LRP1B: variants seen among roughly 807,000 people sequenced by gnomAD.
LRP1B encodes low-density lipoprotein receptor-related protein 1B.
LRP1B carries 217 observed loss-of-function variants against 556.6 expected under a neutral mutation model. The ratio of observed to expected loss-of-function variants is 0.39; its 90% CI spans 0.35 to 0.44. The LOEUF (loss-of-function observed/expected upper bound fraction) is 0.44, where lower values mean the gene tolerates loss of function less well. Ranked by LOEUF, LRP1B falls within the 20% of genes least tolerant of loss-of-function variation. LRP1B has a pLI of 1.00. For synonymous variants in LRP1B, 2,047 were observed against 1,865.8 expected, an observed-to-expected ratio of 1.10 and a Z score of -2.50; for missense variants, 5,053 against 5,620.8, an observed-to-expected ratio of 0.90 and a Z score of 3.23.
chr2:141,864,821 G>A (rs1357842393), intron 1 of LRP1B, among the ~76,000 whole-genome samples: 3 of 152,194 alleles, frequency 2.0e-5, no homozygotes, highest in Non-Finnish European at 2.9e-5. Context: ...GGCGGAGGCT[G>A]CAGTGAGCCG....
intron 1 of LRP1B, among the ~76,000 whole-genome samples, chr2:142,056,790 T>C (rs963408109): frequency 2.0e-5 from 3 of 152,140 alleles, no homozygotes; most frequent in African/African-American, 7.2e-5. Context: ...GAGAGAAATG[T>C]AGATCTTTCT....
rs142932249 is a variant in LRP1B, at chr2:140,350,376, CAGT to C, written c.11892+418_11892+420del. Among the ~76,000 whole-genome samples the C allele has an allele frequency of 9.4e-4, 143 of 152,074 alleles. 3 individuals carry two copies. In the East Asian group the frequency reaches 0.027, roughly 29 times the overall value. ...ACTATTGAGTTGATGTCCTGCCCTA[CAGT>C]AGAAGTATATTTATGATAATGTAAG... On this transcript the variant is annotated intron_variant, in intron 77 of 90. Transcript: ENST00000389484.
intron 37 of LRP1B, among the ~76,000 whole-genome samples, chr2:140,707,057 G>T (rs1443681547): frequency 6.6e-6 from 1 of 152,084 alleles, no homozygotes; most frequent in Non-Finnish European, 1.5e-5. Flanking sequence ...GTTGTGAAAA[G>T]CAAGACTAGT....
chr2:141,272,883 T>C (rs1685139257), intron 3 of LRP1B, among the ~76,000 whole-genome samples: 1 of 152,222 alleles, frequency 6.6e-6, no homozygotes, highest in Non-Finnish European at 1.5e-5. Flanking sequence ...AAGACCTCAA[T>C]GTTCCACTTT....
intron 49 of LRP1B, among the ~76,000 whole-genome samples, chr2:140,522,021 T>C (rs1311622155): frequency 6.6e-6 from 1 of 151,996 alleles, no homozygotes; most frequent in East Asian, 1.9e-4. Context: ...AGTGACATCA[T>C]TCGGTCAATG....
At chr2:141,136,501 A>C (rs1266335358) in intron 7 of LRP1B, among the ~76,000 whole-genome samples, 2 of 151,664 alleles carry the variant, frequency 1.3e-5, no homozygotes, top group African/African-American at 2.4e-5. Flanking sequence ...AAGGCAAGGG[A>C]CTTTAAATTT....
intron 87 of LRP1B, among the ~76,000 whole-genome samples, chr2:140,245,219 C>G (rs1304643444): frequency 5.3e-5 from 8 of 151,354 alleles, no homozygotes; most frequent in Non-Finnish European, 1.2e-4. Context: ...GCAACTCTTT[C>G]CCCTATTTGA....
At chr2:140,479,243 TA>T (rs1688117400) in intron 59 of LRP1B, among the ~76,000 whole-genome samples, 1 of 152,078 alleles carries the variant, frequency 6.6e-6, no homozygotes, top group African/African-American at 2.4e-5. Flanking sequence ...AATTTGTCAA[TA>T]AGACTGTGCT....
At chr2:140,511,294 T>TTC (rs1689642810) in intron 51 of LRP1B, among the ~76,000 whole-genome samples, 1 of 123,632 alleles carries the variant, frequency 8.1e-6, no homozygotes, top group East Asian at 2.2e-4. Context: ...CTAAGGGTCT[T>TTC]TTTTTTTTTT....
At chr2:140,290,969 T>C (rs180992169) in intron 84 of LRP1B, among the ~76,000 whole-genome samples, 74 of 152,196 alleles carry the variant, frequency 4.9e-4, no homozygotes, top group Non-Finnish European at 1.2e-4. Context: ...TCTCATGTTG[T>C]TGGCACTTGC....
At chr2:140,244,490 T>G (rs1681075095) in intron 87 of LRP1B, among the ~76,000 whole-genome samples, 1 of 151,254 alleles carries the variant, frequency 6.6e-6, no homozygotes, top group South Asian at 2.1e-4. Flanking sequence ...ATTTTAAAAT[T>G]TTATGTAAAT....
At chr2:141,358,507 G>A (rs374582965) in intron 3 of LRP1B, among the ~76,000 whole-genome samples, 1 of 152,256 alleles carries the variant, frequency 6.6e-6, no homozygotes, top group East Asian at 1.9e-4. Flanking sequence ...AAAGGAGAAT[G>A]GAGAAATACC....
intron 69 of LRP1B, 47 bp from the exon 70 acceptor site, chr2:140,371,332 G>A (rs755817541): frequency 3.9e-6 from 4 of 1,027,352 alleles, no homozygotes; most frequent in South Asian, 1.7e-5. Flanking sequence ...AAAAATAACA[G>A]GTTTTAGAAA....
intron 32 of LRP1B, among the ~76,000 whole-genome samples, chr2:140,811,666 C>T (rs1428514711): frequency 6.6e-6 from 1 of 152,042 alleles, no homozygotes; most frequent in African/African-American, 2.4e-5. Flanking sequence ...AGAATTTAAA[C>T]TCTGCTTATT....
At chr2:140,868,045 G>C (rs1176842679) in intron 26 of LRP1B, 54 bp downstream of exon 26, 3 of 1,518,168 alleles carry the variant, frequency 2.0e-6, no homozygotes, top group Admixed American at 2.2e-5. Context: ...TTCCAATGTT[G>C]TAAATATTAT....
At chr2:140,588,741 G>A (rs1682090948) in intron 43 of LRP1B, among the ~76,000 whole-genome samples, 1 of 152,164 alleles carries the variant, frequency 6.6e-6, no homozygotes, top group South Asian at 2.1e-4. Context: ...CAAGGCGGGT[G>A]GATCACGAGG....
intron 88 of LRP1B, 49 bp from the exon 89 acceptor site, chr2:140,238,345 A>G: frequency 1.1e-6 from 1 of 911,880 alleles, no homozygotes; most frequent in East Asian, 2.7e-5. Flanking sequence ...AAATATCACA[A>G]TCAAGGCATA....
Position 141,981,760 on chromosome 2 carries a change from G to A in LRP1B, c.82+148888C>T, listed in dbSNP as rs565914835. On this transcript the variant is annotated intron_variant, in intron 1 of 90. Coordinates refer to ENST00000389484, the MANE Select transcript of LRP1B (RefSeq NM_018557.3). ...ATTTCTAGGTTTCCTTTGCATTTAA[G>A]TGTGGCCATGTGAGTAGTCCTTATA... is the stretch of plus-strand genomic sequence containing the variant. Among the ~76,000 whole-genome samples the A allele has an allele frequency of 1.1e-4, 17 of 152,182 alleles. No individual in the cohort carries two copies. In the South Asian group the frequency reaches 3.1e-3, roughly 28 times the overall value.
intron 32 of LRP1B, among the ~76,000 whole-genome samples, chr2:140,789,776 G>T (rs182040802): frequency 0.017 from 2,515 of 149,140 alleles, 77 homozygotes; most frequent in Admixed American, 0.077. Flanking sequence ...GACTACAGGC[G>T]CCCGCCACTA....
Sources: allele counts gnomAD v4.1 joint callset (sites outside exome capture counted in the v4.1 genomes callset), GRCh38; gene constraint gnomAD v4.1.1; transcripts MANE v1.5; gene names NCBI Gene and HGNC (gene_info 2026-07-23, HGNC 2026-07-21).